Variants in TGFB3 observed in about 807,000 individuals in gnomAD.
TGFB3 encodes the protein transforming growth factor beta-3 proprotein.
A neutral mutation model predicts 40.1 loss-of-function variants in TGFB3; 5 were observed. The ratio of observed to expected loss-of-function variants is 0.12; its 90% CI spans 0.07 to 0.26. The LOEUF (loss-of-function observed/expected upper bound fraction) is 0.26. Among genes scored for constraint, TGFB3 ranks in the 10% least tolerant of loss-of-function variants. The pLI, the probability that TGFB3 is intolerant of heterozygous loss-of-function variation, is 1.00. For missense variants in TGFB3, 373 were observed against 530.1 expected, an observed-to-expected ratio of 0.70 and a Z score of 2.91; for synonymous variants, 184 against 205.6, an observed-to-expected ratio of 0.89 and a Z score of 0.90.
At chr14:75,964,879 C>A (rs1482121582) in intron 4 of TGFB3, among the ~76,000 whole-genome samples, 1 of 152,136 alleles carries the variant, frequency 6.6e-6, no homozygotes, top group South Asian at 2.1e-4. Flanking sequence ...CCAAAAGAGG[C>A]CTGCACCTTT....
In TGFB3 at chr14:75,963,053, ACTC is replaced by A. The variant is rs2035176325; in HGVS notation, c.926+260_926+262del. ...CTCCAATCCAAACTATTTTAGCAAC[ACTC>A]CTCCTCACAGAGTTTTCCTCATTTA... On this transcript the variant is annotated intron_variant, in intron 5 of 6. Transcript: ENST00000238682. The A allele has an allele frequency of 1.2e-4, 70 of 572,720 alleles. No homozygotes were observed. In the South Asian group the frequency reaches 1.3e-3, roughly 11 times the overall value. The allele number at this position is 572,720 out of a possible 1,614,324, so 35.5% of individuals were successfully genotyped here. A position where few individuals can be genotyped will look rare whatever the true frequency, so the allele number is the denominator to read the frequency against.
At chr14:75,969,723 T>A (rs1335541730) in intron 3 of TGFB3, among the ~76,000 whole-genome samples, 2 of 152,170 alleles carry the variant, frequency 1.3e-5, no homozygotes, top group African/African-American at 2.4e-5. Flanking sequence ...TAAACTTAAC[T>A]GGGCAGAACA....
chr14:75,975,436 CT>C (rs1364934862), intron 1 of TGFB3, among the ~76,000 whole-genome samples: 2 of 152,002 alleles, frequency 1.3e-5, no homozygotes, highest in African/African-American at 4.8e-5. Context: ...TACATACAAT[CT>C]TCTTGACAAT....
At position 75,961,096 on chromosome 14, in the gene TGFB3, T is replaced by C. The variant is rs574227787; in HGVS notation, c.927-20A>G. Reference sequence around the variant, plus strand: ...AAGTTGCTACAACAAAAAACATTTATAGAAAATCAACTTAAAACCACCAAT... The same window carrying C: ...AAGTTGCTACAACAAAAAACATTTACAGAAAATCAACTTAAAACCACCAAT... On this transcript the variant is annotated intron_variant, in intron 5 of 6. Transcript: ENST00000238682. 112 of 1,613,994 alleles carry C rather than the reference T, an allele frequency of 6.9e-5. 1 individual carries two copies. In the South Asian group the frequency reaches 8.5e-4, roughly 12 times the overall value.
chr14:75,977,561 T>C (rs1317412795), intron 1 of TGFB3, among the ~76,000 whole-genome samples: 1 of 151,562 alleles, frequency 6.6e-6, no homozygotes, highest in East Asian at 1.9e-4. Context: ...TTTACGTAGC[T>C]GCGGTTGCTT....
At chr14:75,964,451 C>T (rs1001188041) in intron 4 of TGFB3, among the ~76,000 whole-genome samples, 1 of 152,034 alleles carries the variant, frequency 6.6e-6, no homozygotes, top group Non-Finnish European at 1.5e-5. Flanking sequence ...CTAAATTCAT[C>T]AACCCGTTTC....
chr14:75,959,452 A>C, intron 6 of TGFB3, 107 bp from the exon 7 acceptor site: 1 of 1,363,532 alleles, frequency 7.3e-7, no homozygotes, highest in Non-Finnish European at 1.0e-6. Flanking sequence ...CAAGTGCTAG[A>C]ATGGCCACGG....
intron 6 of TGFB3, among the ~76,000 whole-genome samples, chr14:75,959,902 G>A (rs992577754): frequency 4.0e-4 from 50 of 125,480 alleles, no homozygotes; most frequent in Non-Finnish European, 2.5e-4. Context: ...GCATATGACA[G>A]TTACTACACT....
chr14:75,971,186 T>A lies in TGFB3; in HGVS notation c.586A>T (p.Thr196Ser). The change falls in exon 3 of 7, where the codon ACT becomes TCT. Residue 196 changes from threonine (T) to serine (S), a missense_variant. Transcript: ENST00000238682. This position sits in a 1 kb window ranked among gnomAD's most constrained non-coding sequence, Gnocchi z 4.5. ...ACATCAAAGGACAGCCACTCGGCAG[T>A]GCCCCGTGTGGGCAGATTCTTGCCA... is the stretch of plus-strand genomic sequence containing the variant. Reference protein sequence around the residue: ...IGGKNLPTRGTAEWLSFDVTD... With the variant: ...IGGKNLPTRGSAEWLSFDVTD... 1.2e-6 allele frequency: 2 copies of A among 1,614,192 alleles called. No homozygotes were observed. Among genetic ancestry groups the A allele is most frequent in the Non-Finnish European group, 1.7e-6 (2 of 1,180,036 alleles).
intron 1 of TGFB3, among the ~76,000 whole-genome samples, chr14:75,973,923 C>T (rs957029910): frequency 1.2e-4 from 19 of 152,032 alleles, no homozygotes; most frequent in Non-Finnish European, 2.4e-4. Flanking sequence ...GGGCAGATCA[C>T]GACATCAGGA....
intron 6 of TGFB3, 30 bp downstream of exon 6, chr14:75,960,893 T>A: frequency 6.2e-7 from 1 of 1,613,920 alleles, no homozygotes; most frequent in Non-Finnish European, 8.5e-7. Flanking sequence ...TCAGCCCCAG[T>A]GCCTCAGATG....
At chr14:75,970,665 C>CCTCCTCTTCCT (rs1217097608) in intron 3 of TGFB3, 1 of 171,252 alleles carries the variant, frequency 5.8e-6, no homozygotes, top group East Asian at 1.5e-4. Context: ...CTCCTCTTCC[C>CCTCCTCTTCCT]CTCCCCAGCT....
chr14:75,977,205 C>T lies in TGFB3; in HGVS notation c.352+3337G>A, dbSNP rs147870171. Among the ~76,000 whole-genome samples the T allele has an allele frequency of 5.6e-3, 857 of 152,316 alleles. 3 individuals carry two copies. The highest frequency in any genetic ancestry group is 7.9e-3 in the Non-Finnish European group (538 of 68,038). On this transcript the variant is annotated intron_variant, in intron 1 of 6. Transcript: ENST00000238682. Reference sequence around the variant, plus strand: ...ACTCTGGGTTTGCTGGTTGTCTTAGCGCTGCCCTTGGCTGAAAACAACAAG... The same window carrying T: ...ACTCTGGGTTTGCTGGTTGTCTTAGTGCTGCCCTTGGCTGAAAACAACAAG...
rs1361385034 is a variant in TGFB3 at position 75,959,068 on chromosome 14, G to C, written c.*119C>G. The C allele has an allele frequency of 3.3e-5, 43 of 1,288,570 alleles. 1 individual carries two copies. The South Asian group carries it at 5.0e-4, about 15-fold the overall frequency. 79.8% of individuals were successfully genotyped at this position (1,288,570 alleles called of 1,614,324 possible). A position where few individuals can be genotyped will look rare whatever the true frequency, so the allele number is the denominator to read the frequency against. On this transcript the variant is annotated 3_prime_UTR_variant, in exon 7 of 7. Transcript: ENST00000238682. ...AACCTCCATCTCAGCCATTTGCCCGGAGCCGAAGGTTGTGGGCTCCAGGCC... is the reference window on the plus strand; with the variant it reads ...AACCTCCATCTCAGCCATTTGCCCGCAGCCGAAGGTTGTGGGCTCCAGGCC...
At chr14:75,967,368 G>A (rs897889136) in intron 3 of TGFB3, among the ~76,000 whole-genome samples, 1 of 152,216 alleles carries the variant, frequency 6.6e-6, no homozygotes, top group Non-Finnish European at 1.5e-5. Flanking sequence ...AGGCAGCTGA[G>A]ACCCAGCTGG....
intron 1 of TGFB3, among the ~76,000 whole-genome samples, chr14:75,974,922 C>T (rs2035335306): frequency 6.6e-6 from 1 of 151,988 alleles, no homozygotes; most frequent in Non-Finnish European, 1.5e-5. Flanking sequence ...GAAACCCCAT[C>T]TCTATAAAAA....
intron 1 of TGFB3, among the ~76,000 whole-genome samples, chr14:75,974,058 T>C (rs2140247951): frequency 6.6e-6 from 1 of 152,066 alleles, no homozygotes; most frequent in South Asian, 2.1e-4. Context: ...GAGAATCGCT[T>C]GAACCCAGGA....
At chr14:75,967,706 T>A (rs1393694048) in intron 3 of TGFB3, among the ~76,000 whole-genome samples, 1 of 152,180 alleles carries the variant, frequency 6.6e-6, no homozygotes. Context: ...TCTATCTCTA[T>A]AATAATCCCA....
chr14:75,979,642 G>GC lies in TGFB3; in HGVS notation c.352+899dup, dbSNP rs2140252996. Among the ~76,000 whole-genome samples, 1 of 151,538 alleles carries GC rather than the reference G, an allele frequency of 6.6e-6. No homozygotes were observed. Among genetic ancestry groups the GC allele is most frequent in the East Asian group, 2.0e-4 (1 of 5,128 alleles). On this transcript the variant is annotated intron_variant, in intron 1 of 6. Transcript: ENST00000238682. The surrounding 1 kb of genome is among the most constrained non-coding windows in gnomAD (Gnocchi z 4.8). Reference sequence around the variant, plus strand: ...CACACAGACATCTCGCCCAGAAGCCGCCCGGCTCCTCCATGCAGACAGAGC... The same window carrying GC: ...CACACAGACATCTCGCCCAGAAGCCGCCCCGGCTCCTCCATGCAGACAGAGC...
Sources: allele counts gnomAD v4.1 joint callset (sites outside exome capture counted in the v4.1 genomes callset), GRCh38; gene constraint gnomAD v4.1.1; non-coding constraint Gnocchi (gnomAD v3.1); transcripts MANE v1.5; gene names NCBI Gene and HGNC (gene_info 2026-07-23, HGNC 2026-07-21).